MME: variants seen among roughly 807,000 people sequenced by gnomAD.
The protein encoded by MME is neprilysin.
A neutral mutation model predicts 113.2 loss-of-function variants in MME; 98 were observed. That is an observed-to-expected ratio of 0.87 (90% confidence interval 0.74 to 1.02). MME has a LOEUF of 1.02. Ranked by LOEUF, MME falls within the 50% of genes least tolerant of loss-of-function variation. The probability of loss-of-function intolerance (pLI) is 0.00; values close to 1 mark genes in which losing one functional copy is unlikely to be tolerated. For synonymous variants in MME, 292 were observed against 300.6 expected (o/e 0.97, Z 0.30); for missense variants, 836 against 896.0 (o/e 0.93, Z 0.86).
chr3:155,113,153 A>C (rs1718323472), intron 3 of MME, among the ~76,000 whole-genome samples: 1 of 152,174 alleles, frequency 6.6e-6, no homozygotes, highest in African/African-American at 2.4e-5. Flanking sequence ...AAGAAAACAC[A>C]AGGAGTGTTT....
chr3:155,125,572 A>G (rs1217949255), intron 8 of MME, among the ~76,000 whole-genome samples: 2 of 142,270 alleles, frequency 1.4e-5, no homozygotes, highest in Non-Finnish European at 3.0e-5. Context: ...CAATTCTCCC[A>G]GCCTCGGCCT....
At chr3:155,088,597 T>G (rs906612030) in intron 3 of MME, among the ~76,000 whole-genome samples, 7 of 150,136 alleles carry the variant, frequency 4.7e-5, no homozygotes, top group African/African-American at 1.7e-4. Context: ...GCAGGAGAAT[T>G]GCTTGAACCC....
intron 1 of MME, among the ~76,000 whole-genome samples, chr3:155,073,529 C>T (rs1477875162): frequency 1.3e-5 from 2 of 152,086 alleles, no homozygotes; most frequent in Admixed American, 1.3e-4. Flanking sequence ...AATAATAAAA[C>T]ACAATGACAT....
chr3:155,141,220 A>T (rs1176855090), intron 10 of MME, among the ~76,000 whole-genome samples: 1 of 152,160 alleles, frequency 6.6e-6, no homozygotes, highest in Non-Finnish European at 1.5e-5. Context: ...CTTACATAGA[A>T]TTTTTTAATA....
rs770453326 is a variant in MME, at chr3:155,142,175, A to T, written c.1094+48A>T. ...GTCCTCAAAGTTTGCATTTCATATC[A>T]CTCTTCAGAAGCTTTGCAGCCTCAT... is the stretch of plus-strand genomic sequence containing the variant. On this transcript the variant is annotated intron_variant, in intron 11 of 22. Transcript: ENST00000360490. 2.5e-6 allele frequency: 4 copies of T among 1,612,952 alleles called. No homozygotes were observed. In the Admixed American group the frequency reaches 6.7e-5, roughly 27 times the overall value.
intron 18 of MME, among the ~76,000 whole-genome samples, chr3:155,167,751 A>C (rs2108364681): frequency 6.6e-6 from 1 of 152,310 alleles, no homozygotes; most frequent in East Asian, 1.9e-4. Context: ...AACTCAAACT[A>C]TGCAACAGTC....
chr3:155,162,472 A>G (rs2108354452), intron 17 of MME, among the ~76,000 whole-genome samples: 1 of 152,320 alleles, frequency 6.6e-6, no homozygotes, highest in Non-Finnish European at 1.5e-5. Context: ...AGAATTAGCT[A>G]TAATAACAAT....
At chr3:155,054,782 A>T (rs1462295134) in intron 1 of MME, among the ~76,000 whole-genome samples, 1 of 152,170 alleles carries the variant, frequency 6.6e-6, no homozygotes, top group African/African-American at 2.4e-5. Context: ...ACACCATTGC[A>T]CTCTTGCCTG....
At chr3:155,162,145 A>G (rs1263607137) in intron 17 of MME, among the ~76,000 whole-genome samples, 1 of 152,160 alleles carries the variant, frequency 6.6e-6, no homozygotes, top group Non-Finnish European at 1.5e-5. Context: ...AGGACCCTGG[A>G]TCCTATCGGA....
chr3:155,140,315 TC>T (rs772998307), intron 10 of MME, 23 bp downstream of exon 10: 1 of 1,439,786 alleles, frequency 6.9e-7, no homozygotes, highest in South Asian at 1.1e-5. Context: ...TTTTTTGTGC[TC>T]TCTTATTGTG....
intron 9 of MME, among the ~76,000 whole-genome samples, chr3:155,138,695 A>G (rs897528889): frequency 2.6e-5 from 4 of 152,264 alleles, no homozygotes; most frequent in Admixed American, 2.0e-4. Flanking sequence ...ATGTGATACT[A>G]CTGAGTTCAA....
chr3:155,176,655 G>A (rs531943132), intron 22 of MME, among the ~76,000 whole-genome samples: 11 of 152,044 alleles, frequency 7.2e-5, no homozygotes, highest in African/African-American at 1.7e-4. Context: ...GTGGGACCTC[G>A]TCTCTATTAA....
chr3:155,057,781 T>A (rs900951236), intron 1 of MME, among the ~76,000 whole-genome samples: 1 of 151,648 alleles, frequency 6.6e-6, no homozygotes, highest in East Asian at 1.9e-4. Context: ...TTTTTTAGGA[T>A]CTAATTCATC....
At chr3:155,057,571 T>G (rs1713977814) in intron 1 of MME, among the ~76,000 whole-genome samples, 2 of 152,104 alleles carry the variant, frequency 1.3e-5, no homozygotes, top group Non-Finnish European at 2.9e-5. Flanking sequence ...CTTGTCCCAC[T>G]GTAGTGAGCT....
At chr3:155,108,845 A>G (rs1717921821) in intron 3 of MME, among the ~76,000 whole-genome samples, 1 of 152,108 alleles carries the variant, frequency 6.6e-6, no homozygotes, top group South Asian at 2.1e-4. Context: ...TAGTGCCCAA[A>G]ATCCTATTTT....
At chr3:155,071,617 A>T (rs1283309390) in intron 1 of MME, among the ~76,000 whole-genome samples, 3 of 152,198 alleles carry the variant, frequency 2.0e-5, no homozygotes, top group Non-Finnish European at 4.4e-5. Context: ...ATCTCATTGT[A>T]TGACAGTAAT....
intron 16 of MME, among the ~76,000 whole-genome samples, chr3:155,149,658 A>AAGC (rs1226548280): frequency 1.3e-5 from 2 of 151,958 alleles, no homozygotes; most frequent in East Asian, 3.9e-4. Context: ...ACCAAGAGGG[A>AAGC]AATGTCGTGC....
At chr3:155,143,800 T>A (rs1721306579) in intron 13 of MME, among the ~76,000 whole-genome samples, 1 of 152,170 alleles carries the variant, frequency 6.6e-6, no homozygotes, top group Non-Finnish European at 1.5e-5. Context: ...CAACTCACCA[T>A]TTTCCAGAAG....
chr3:155,128,525 A>G (rs1719874854), intron 8 of MME, among the ~76,000 whole-genome samples: 1 of 152,166 alleles, frequency 6.6e-6, no homozygotes, highest in African/African-American at 2.4e-5. Context: ...ATGTCAGTGT[A>G]TCATTGGCCT....
Sources: allele counts gnomAD v4.1 joint callset (sites outside exome capture counted in the v4.1 genomes callset), GRCh38; gene constraint gnomAD v4.1.1; transcripts MANE v1.5; gene names NCBI Gene and HGNC (gene_info 2026-07-23, HGNC 2026-07-21).